The following TMC1 variants were observed in gnomAD, a reference collection of about 807,000 sequenced individuals.
The protein encoded by TMC1 is transmembrane channel-like protein 1.
A neutral mutation model predicts 105.8 loss-of-function variants in TMC1; 84 were observed. The ratio of observed to expected loss-of-function variants is 0.79; its 90% CI spans 0.67 to 0.95. The LOEUF (loss-of-function observed/expected upper bound fraction) is 0.95. Ranked by LOEUF, TMC1 falls within the 40% of genes least tolerant of loss-of-function variation. The probability of loss-of-function intolerance (pLI) is 0.00; values close to 1 mark genes in which losing one functional copy is unlikely to be tolerated. For synonymous variants in TMC1, 315 were observed against 311.5 expected, an observed-to-expected ratio of 1.01 and a Z score of -0.12; for missense variants, 817 against 914.1, an observed-to-expected ratio of 0.89 and a Z score of 1.37.
At chr9:72,835,915 GTTTTT>G (rs754537281) in intron 23 of TMC1, 31 bp from the exon 24 acceptor site, 91 of 1,316,194 alleles carry the variant, frequency 6.9e-5, no homozygotes, top group Non-Finnish European at 7.9e-5. Flanking sequence ...CTCTCTCCTT[GTTTTT>G]TTTTTTTTTT....
In TMC1 at chr9:72,648,640, AC is replaced by A. The variant is rs755557705; in HGVS notation, c.-4del. ...AGCCACTGAGACCTTCTGACAGGACACCCCCAGGATGTCACCCAAAAAAGGT... is the reference window on the plus strand; with the variant it reads ...AGCCACTGAGACCTTCTGACAGGACACCCCAGGATGTCACCCAAAAAAGGT... On this transcript the variant is annotated 5_prime_UTR_variant, in exon 5 of 24. Transcript: ENST00000297784. 22 of 1,612,972 alleles carry A rather than the reference AC, an allele frequency of 1.4e-5. No individual in the cohort carries two copies. Among genetic ancestry groups the A allele is most frequent in the Non-Finnish European group, 1.9e-5 (22 of 1,179,220 alleles).
intron 1 of TMC1, among the ~76,000 whole-genome samples, chr9:72,541,912 G>C (rs2132064805): frequency 6.6e-6 from 1 of 152,086 alleles, no homozygotes; most frequent in Non-Finnish European, 1.5e-5. Context: ...AGCACACATA[G>C]CTGAAAAACT....
intron 2 of TMC1, among the ~76,000 whole-genome samples, chr9:72,600,877 T>C (rs529783513): frequency 6.6e-6 from 1 of 152,322 alleles, no homozygotes; most frequent in South Asian, 2.1e-4. Flanking sequence ...TCTGATTCAC[T>C]TCATGGAATC....
At chr9:72,753,938 C>G (rs1194418932) in intron 11 of TMC1, among the ~76,000 whole-genome samples, 1 of 152,292 alleles carries the variant, frequency 6.6e-6, no homozygotes, top group South Asian at 2.1e-4. Context: ...GGCCAAAGGC[C>G]TACTTTGGGA....
chr9:72,549,539 T>G (rs1823824745), intron 1 of TMC1, among the ~76,000 whole-genome samples: 1 of 151,986 alleles, frequency 6.6e-6, no homozygotes, highest in Non-Finnish European at 1.5e-5. Context: ...GCCTCCCAGT[T>G]TCAAGCAATT....
At chr9:72,603,403 A>G (rs1016006327) in intron 2 of TMC1, among the ~76,000 whole-genome samples, 8 of 148,404 alleles carry the variant, frequency 5.4e-5, no homozygotes, top group Admixed American at 2.0e-4. Context: ...ACACACACAC[A>G]CACACACACA....
intron 13 of TMC1, among the ~76,000 whole-genome samples, chr9:72,772,790 A>G (rs1313044586): frequency 6.6e-6 from 1 of 152,144 alleles, no homozygotes; most frequent in Non-Finnish European, 1.5e-5. Context: ...CAATGCTTGC[A>G]TGCCTATCTT....
At chr9:72,772,287 C>A in intron 12 of TMC1, 126 bp from the exon 13 acceptor site, 1 of 1,153,434 alleles carries the variant, frequency 8.7e-7, no homozygotes, top group Non-Finnish European at 1.3e-6. Context: ...AACAATAGGG[C>A]TCATGTCAGA....
intron 8 of TMC1, among the ~76,000 whole-genome samples, chr9:72,725,325 G>GTGTATGTATATATA (rs1346287163): frequency 1.3e-5 from 1 of 77,684 alleles, no homozygotes; most frequent in Non-Finnish European, 2.8e-5. Context: ...ATGTGTGTAT[G>GTGTATGTATATATA]TATATATATA....
chr9:72,523,731 G>A (rs1054253682), intron 1 of TMC1, among the ~76,000 whole-genome samples: 1 of 152,016 alleles, frequency 6.6e-6, no homozygotes, highest in Non-Finnish European at 1.5e-5. Context: ...CACACTCGGG[G>A]TAGCTTTCGT....
intron 8 of TMC1, among the ~76,000 whole-genome samples, chr9:72,735,329 C>T (rs547142814): frequency 6.6e-6 from 1 of 152,306 alleles, no homozygotes; most frequent in African/African-American, 2.4e-5. Context: ...AGTTTATCCA[C>T]AAAAGCCTAT....
chr9:72,792,310 A>T lies in TMC1; in HGVS notation c.1524A>T (p.Ala508=). 1.2e-6 allele frequency: 2 copies of T among 1,614,192 alleles called. No homozygotes were observed. The highest frequency in any genetic ancestry group is 1.7e-6 in the Non-Finnish European group (2 of 1,180,030). The change falls in exon 17 of 24, where the codon GCA becomes GCT. Residue 508 remains alanine (A), a synonymous_variant. Transcript: ENST00000297784. ...STGPPFFVHP[A]DVPRGPCWET... ...GACCACCCTTTTTTGTTCACCCTGC[A>T]GATGTACCTCGAGGACCTTGCTGGG...
At chr9:72,576,669 A>G (rs1157306288) in intron 1 of TMC1, among the ~76,000 whole-genome samples, 2 of 130,112 alleles carry the variant, frequency 1.5e-5, no homozygotes, top group Non-Finnish European at 3.1e-5. Flanking sequence ...CTCTGTTGCC[A>G]GGCTGGAGTG....
intron 8 of TMC1, among the ~76,000 whole-genome samples, chr9:72,711,524 A>G (rs766693012): frequency 2.5e-4 from 38 of 152,198 alleles, no homozygotes; most frequent in Non-Finnish European, 4.9e-4. Flanking sequence ...ACCAGTGATG[A>G]TGAGCCTTTT....
intron 1 of TMC1, among the ~76,000 whole-genome samples, chr9:72,539,097 GCT>G (rs557479453): frequency 1.7e-3 from 185 of 106,184 alleles, no homozygotes; most frequent in African/African-American, 7.9e-3. Flanking sequence ...AATTTCTTCT[GCT>G]GCTGGGCATG....
chr9:72,556,620 A>G (rs1823945218), intron 1 of TMC1, among the ~76,000 whole-genome samples: 1 of 151,216 alleles, frequency 6.6e-6, no homozygotes, highest in Non-Finnish European at 1.5e-5. Flanking sequence ...GGAGTTTGAA[A>G]CCAGCATGGC....
chr9:72,558,200 A>G (rs1823977566), intron 1 of TMC1, among the ~76,000 whole-genome samples: 1 of 151,950 alleles, frequency 6.6e-6, no homozygotes, highest in African/African-American at 2.4e-5. Context: ...GTCTCCATAA[A>G]TGAAGACATG....
At chr9:72,787,661 A>G (rs562466253) in intron 13 of TMC1, among the ~76,000 whole-genome samples, 110 of 151,796 alleles carry the variant, frequency 7.2e-4, no homozygotes, top group African/African-American at 2.5e-3. Context: ...ATATATATAC[A>G]CACATATATA....
chr9:72,751,399 C>T (rs1005389590), intron 10 of TMC1, among the ~76,000 whole-genome samples: 4 of 152,186 alleles, frequency 2.6e-5, no homozygotes, highest in African/African-American at 9.7e-5. Flanking sequence ...TTGAGAAGAA[C>T]ATTGTTTGCC....
Sources: allele counts gnomAD v4.1 joint callset (sites outside exome capture counted in the v4.1 genomes callset), GRCh38; gene constraint gnomAD v4.1.1; transcripts MANE v1.5; gene names NCBI Gene and HGNC (gene_info 2026-07-23, HGNC 2026-07-21).